Variants in EXOC2 observed in about 807,000 individuals in gnomAD.
The protein encoded by EXOC2 is SEC5-like 1.
Under a neutral mutation model 131.8 loss-of-function variants are expected in EXOC2, and 70 were observed. The observed-to-expected ratio is 0.53, with a 90% CI of 0.44 to 0.65. The LOEUF (loss-of-function observed/expected upper bound fraction) is 0.65. Ranked by LOEUF, EXOC2 falls within the 30% of genes least tolerant of loss-of-function variation. The pLI, the probability that EXOC2 is intolerant of heterozygous loss-of-function variation, is 0.00. For synonymous variants in EXOC2, 411 were observed against 398.4 expected, an observed-to-expected ratio of 1.03 and a Z score of -0.38; for missense variants, 923 against 1,108.6, an observed-to-expected ratio of 0.83 and a Z score of 2.38.
At chr6:508,462 T>TA (rs1764683899) in intron 23 of EXOC2, among the ~76,000 whole-genome samples, 1 of 152,310 alleles carries the variant, frequency 6.6e-6, no homozygotes, top group East Asian at 1.9e-4. Context: ...CCTTCCCCAG[T>TA]AACCCCCGAC....
intron 6 of EXOC2, among the ~76,000 whole-genome samples, chr6:616,466 A>C (rs372060687): frequency 6.6e-6 from 1 of 151,248 alleles, no homozygotes; most frequent in Non-Finnish European, 1.5e-5. Context: ...AGCCGGGCGC[A>C]GTGGCGGGCG....
intron 13 of EXOC2, among the ~76,000 whole-genome samples, chr6:565,969 CAAAA>C: frequency 6.6e-6 from 1 of 152,190 alleles, no homozygotes; most frequent in South Asian, 2.1e-4. Context: ...ACAAACCTGA[CAAAA>C]AAACGGGCAG....
intron 22 of EXOC2, among the ~76,000 whole-genome samples, chr6:546,222 C>T (rs1350363089): frequency 6.6e-6 from 1 of 151,790 alleles, no homozygotes; most frequent in Non-Finnish European, 1.5e-5. Flanking sequence ...AAGACATCTC[C>T]AGGACTTGAG....
At chr6:649,152 G>C (rs2127734829) in intron 1 of EXOC2, among the ~76,000 whole-genome samples, 1 of 152,244 alleles carries the variant, frequency 6.6e-6, no homozygotes, top group Non-Finnish European at 1.5e-5. Context: ...AGCCTCCAGA[G>C]TAGCTGGAAC....
rs755515654 is a variant in EXOC2, at chr6:592,561, C to G, written c.1100G>C (p.Gly367Ala). The change falls in exon 11 of 28, where the codon GGT becomes GCT. Residue 367 changes from glycine to alanine, a missense_variant. Gly to Ala is a moderately conservative substitution (Grantham distance 60, BLOSUM62 0). Transcript: ENST00000230449. ...TCCAATGCATTGCCAAGCAGGGTCA[C>G]CAGACGCATGAAGGTCAGACAGGTA... ...IRYLSDLHAS[G>A]DPAWQCIGAQ... The G allele has an allele frequency of 6.2e-7, 1 of 1,614,072 alleles. No homozygotes were observed. The highest frequency in any genetic ancestry group is 1.1e-5 in the South Asian group (1 of 91,080).
chr6:675,251 G>A (rs920998811), intron 1 of EXOC2, among the ~76,000 whole-genome samples: 5 of 152,072 alleles, frequency 3.3e-5, no homozygotes, highest in East Asian at 1.9e-4. Flanking sequence ...ACTAATTCTC[G>A]CTCTTCACCA....
chr6:558,551 C>T (rs1250660020), intron 17 of EXOC2, among the ~76,000 whole-genome samples: 1 of 152,202 alleles, frequency 6.6e-6, no homozygotes, highest in African/African-American at 2.4e-5. Flanking sequence ...ATGGCTCACG[C>T]TCGTAATCCC....
In EXOC2 at chr6:549,271, G is replaced by A; in HGVS notation, c.2142C>T (p.Val714=). 1 of 1,614,010 alleles carries A rather than the reference G, an allele frequency of 6.2e-7. No homozygotes were observed. The highest frequency in any genetic ancestry group is 8.5e-7 in the Non-Finnish European group (1 of 1,179,898). Residue 714 remains valine, a synonymous_variant, in exon 22 of 28, where the codon GTC becomes GTT. Transcript: ENST00000230449. Reference sequence around the variant, plus strand: ...GTTCTAGATAGCAGCAATTACTTAGGACTATCAAAAGGCGCTGTTCCTAAA... The same window carrying A: ...GTTCTAGATAGCAGCAATTACTTAGAACTATCAAAAGGCGCTGTTCCTAAA... ...SLTSEQRLLI[V]LSNCCYLERH...
Position 604,569 on chromosome 6 carries a change from A to C in EXOC2, c.743-5344T>G, listed in dbSNP as rs554132634. On this transcript the variant is annotated intron_variant, in intron 7 of 27. Coordinates refer to ENST00000230449, the MANE Select transcript of EXOC2 (RefSeq NM_018303.6). Reference sequence around the variant, plus strand: ...TGGCTCACTATTTGTCTTCAGAATAAAGACAGATTCCACACTACTGCACAG... The same window carrying C: ...TGGCTCACTATTTGTCTTCAGAATACAGACAGATTCCACACTACTGCACAG... 6.6e-5 allele frequency among the ~76,000 whole-genome samples: 10 copies of C among 152,278 alleles called. No individual in the cohort carries two copies. In the South Asian group the frequency reaches 2.1e-3, roughly 32 times the overall value.
chr6:656,356 C>A, intron 1 of EXOC2: 3 of 1,614,198 alleles, frequency 1.9e-6, no homozygotes, highest in Non-Finnish European at 2.5e-6. Context: ...ATGGACACCA[C>A]CTCCGTCTCT....
intron 12 of EXOC2, 43 bp from the exon 13 acceptor site, chr6:572,687 T>A: frequency 4.4e-6 from 7 of 1,597,050 alleles, no homozygotes; most frequent in Non-Finnish European, 6.0e-6. Flanking sequence ...TACTTCTGAA[T>A]CAAGAAAACA....
intron 2 of EXOC2, among the ~76,000 whole-genome samples, chr6:634,896 C>T (rs929132885): frequency 1.3e-5 from 2 of 152,026 alleles, no homozygotes; most frequent in Non-Finnish European, 2.9e-5. Context: ...CTCCACCTCG[C>T]GAGAGAAATA....
chr6:543,442 G>C (rs1756668561), intron 22 of EXOC2, among the ~76,000 whole-genome samples: 1 of 152,204 alleles, frequency 6.6e-6, no homozygotes, highest in African/African-American at 2.4e-5. Flanking sequence ...TAGAATGGTA[G>C]TTACCGGGGG....
chr6:664,344 A>C (rs1219723255), intron 1 of EXOC2, among the ~76,000 whole-genome samples: 2 of 152,244 alleles, frequency 1.3e-5, no homozygotes, highest in Non-Finnish European at 2.9e-5. Context: ...GATGAGTAGA[A>C]TCAATATTGT....
chr6:597,741 T>C (rs1206535420), intron 10 of EXOC2, among the ~76,000 whole-genome samples: 1 of 152,158 alleles, frequency 6.6e-6, no homozygotes, highest in African/African-American at 2.4e-5. Flanking sequence ...AAGGTACCCC[T>C]TTGCTCAGCA....
At chr6:516,436 C>T (rs1460238585) in intron 23 of EXOC2, among the ~76,000 whole-genome samples, 1 of 152,234 alleles carries the variant, frequency 6.6e-6, no homozygotes, top group Admixed American at 6.5e-5. Context: ...AGCCCCGGCC[C>T]AACAGAGCTG....
At chr6:565,776 T>C (rs1757934434) in intron 13 of EXOC2, among the ~76,000 whole-genome samples, 1 of 152,258 alleles carries the variant, frequency 6.6e-6, no homozygotes, top group South Asian at 2.1e-4. Flanking sequence ...AGTTGCATTA[T>C]AAATTATCAT....
chr6:613,430 A>G (rs1402445604), intron 6 of EXOC2, among the ~76,000 whole-genome samples: 1 of 152,144 alleles, frequency 6.6e-6, no homozygotes, highest in Non-Finnish European at 1.5e-5. Context: ...TGAAGAATGC[A>G]GATGATGTAA....
At chr6:660,259 C>G (rs755278105) in intron 1 of EXOC2, among the ~76,000 whole-genome samples, 1 of 150,828 alleles carries the variant, frequency 6.6e-6, no homozygotes, top group East Asian at 2.0e-4. Flanking sequence ...TCTAGGGCCC[C>G]GCCCACTGCC....
Sources: gnomAD v4.1 joint callset for allele counts (sites outside exome capture counted in the v4.1 genomes callset) on GRCh38, gnomAD v4.1.1 for gene constraint, MANE v1.5 for transcripts, NCBI Gene and HGNC (gene_info 2026-07-23, HGNC 2026-07-21) for gene names.